The following SCAF4 variants were observed in gnomAD, a reference collection of about 807,000 sequenced individuals.
The protein encoded by SCAF4 is SR-related CTD associated factor 4.
A neutral mutation model predicts 129.8 loss-of-function variants in SCAF4; 25 were observed. The ratio of observed to expected loss-of-function variants is 0.19; its 90% CI spans 0.14 to 0.27. The LOEUF (loss-of-function observed/expected upper bound fraction) is 0.27, where lower values mean the gene tolerates loss of function less well. SCAF4 is among the 10% of genes least tolerant of loss of function. The pLI, the probability that SCAF4 is intolerant of heterozygous loss-of-function variation, is 1.00. For missense variants in SCAF4, 1,246 were observed against 1,457.1 expected (o/e 0.86, Z 2.36); for synonymous variants, 551 against 497.7 (o/e 1.11, Z -1.43).
In SCAF4 at chr21:31,702,239, C is replaced by A; in HGVS notation, c.457+5G>T. The A allele has an allele frequency of 6.2e-7, 1 of 1,613,970 alleles. No individual in the cohort carries two copies. Among genetic ancestry groups the A allele is most frequent in the Non-Finnish European group, 8.5e-7 (1 of 1,179,954 alleles). ...GTGTGAGCTCACAGATACATCTGAC[C>A]ATACCTTCATTATTGGTAACATTTT... On this transcript the variant is annotated splice_donor_5th_base_variant and intron_variant, in intron 5 of 19. Coordinates refer to ENST00000286835, the MANE Select transcript of SCAF4 (RefSeq NM_020706.2).
chr21:31,731,305 C>A (rs2051349792), intron 1 of SCAF4, among the ~76,000 whole-genome samples: 1 of 152,250 alleles, frequency 6.6e-6, no homozygotes, highest in African/African-American at 2.4e-5. Context: ...GCTCCCGGCA[C>A]TGCGAACCCG....
At chr21:31,717,042 A>G (rs559588585) in intron 1 of SCAF4, among the ~76,000 whole-genome samples, 5 of 152,212 alleles carry the variant, frequency 3.3e-5, no homozygotes, top group Non-Finnish European at 5.9e-5. Flanking sequence ...ATCAATAATC[A>G]AAGTACAAAT....
intron 1 of SCAF4, among the ~76,000 whole-genome samples, chr21:31,722,133 C>G (rs993342798): frequency 4.6e-5 from 7 of 152,128 alleles, no homozygotes; most frequent in Non-Finnish European, 7.4e-5. Context: ...GTTTTAACAA[C>G]ATAAAAATGT....
At chr21:31,731,599 C>T (rs2051360837) in intron 1 of SCAF4, 64 bp downstream of exon 1, 1 of 1,552,634 alleles carries the variant, frequency 6.4e-7, no homozygotes, top group Non-Finnish European at 8.7e-7. Flanking sequence ...CCTCCGGCGG[C>T]GGGAGAAACG....
chr21:31,714,942 T>C (rs909514102), intron 1 of SCAF4, among the ~76,000 whole-genome samples: 1 of 152,256 alleles, frequency 6.6e-6, no homozygotes, highest in Non-Finnish European at 1.5e-5. Context: ...CAGATGATCC[T>C]GGTTAATTCC....
In SCAF4 at chr21:31,685,163, C is replaced by T; in HGVS notation, c.2374G>A (p.Ala792Thr). ...TCACCAGACTCGGCGTTTCCTCTAGCCCCAGACACCACTGTTGGAATGGGA... is the reference window on the plus strand; with the variant it reads ...TCACCAGACTCGGCGTTTCCTCTAGTCCCAGACACCACTGTTGGAATGGGA... The part of the protein sequence containing the change: ...GNPIPTVVSG[A>T]RGNAESGDSV... The change falls in exon 19 of 20, where the codon GCT becomes ACT. Residue 792 changes from alanine to threonine, a missense_variant. By Grantham distance (58) the Ala-to-Thr change is moderately conservative. Coordinates refer to ENST00000286835, the MANE Select transcript of SCAF4 (RefSeq NM_020706.2). 6.2e-7 allele frequency: 1 copy of T among 1,612,678 alleles called. No homozygotes were observed.
intron 1 of SCAF4, among the ~76,000 whole-genome samples, chr21:31,728,710 T>C (rs1001298808): frequency 6.6e-6 from 1 of 152,118 alleles, no homozygotes; most frequent in South Asian, 2.1e-4. Context: ...TTTCTCCCCC[T>C]TTCAATTTTC....
intron 19 of SCAF4, among the ~76,000 whole-genome samples, chr21:31,682,448 G>A (rs2833480): frequency 0.48 from 72,583 of 151,834 alleles, 18,044 homozygotes; most frequent in East Asian, 0.84. Context: ...ATGAAGTAAT[G>A]TAATTTTAGA....
chr21:31,727,517 G>A (rs1347056635), intron 1 of SCAF4, among the ~76,000 whole-genome samples: 1 of 152,148 alleles, frequency 6.6e-6, no homozygotes, highest in Non-Finnish European at 1.5e-5. Context: ...CAATCTGGCT[G>A]GGCGCAGTGG....
At chr21:31,691,416 C>CAT (rs1462320277) in intron 14 of SCAF4, among the ~76,000 whole-genome samples, 1 of 152,094 alleles carries the variant, frequency 6.6e-6, no homozygotes, top group Admixed American at 6.5e-5. Flanking sequence ...GAAAAATACC[C>CAT]ATATACCTAT....
In SCAF4 at chr21:31,701,322, T is replaced by C. The variant is rs1331072293; in HGVS notation, c.601-151A>G. On this transcript the variant is annotated intron_variant, in intron 6 of 19. Transcript: ENST00000286835. ...AAATCCTTTTATGAATGGTTAAATTTGTTGTGAATGAATATACAGAGATAT... is the reference window on the plus strand; with the variant it reads ...AAATCCTTTTATGAATGGTTAAATTCGTTGTGAATGAATATACAGAGATAT... 1.9e-5 allele frequency: 11 copies of C among 591,992 alleles called. No homozygotes were observed. In the East Asian group the frequency reaches 3.3e-4, roughly 18 times the overall value. 36.7% of individuals were successfully genotyped at this position (591,992 alleles called of 1,614,324 possible). A position where few individuals can be genotyped will look rare whatever the true frequency, so the allele number is the denominator to read the frequency against.
At chr21:31,697,427 G>A (rs1301204756) in intron 7 of SCAF4, among the ~76,000 whole-genome samples, 1 of 152,192 alleles carries the variant, frequency 6.6e-6, no homozygotes. Context: ...ATGTGTATCA[G>A]ATCATATAGA....
chr21:31,677,386 C>T (rs1454688629), intron 19 of SCAF4, among the ~76,000 whole-genome samples: 1 of 152,134 alleles, frequency 6.6e-6, no homozygotes, highest in Non-Finnish European at 1.5e-5. Context: ...TAAAAACTCC[C>T]TCACCCTGCA....
intron 1 of SCAF4, among the ~76,000 whole-genome samples, chr21:31,723,611 TGTGTG>T (rs2051127023): frequency 8.7e-6 from 1 of 114,926 alleles, no homozygotes; most frequent in Non-Finnish European, 2.0e-5. Flanking sequence ...ATTTATATGA[TGTGTG>T]TGTGTGTGTG....
chr21:31,719,719 G>A (rs1250450258), intron 1 of SCAF4, among the ~76,000 whole-genome samples: 1 of 152,066 alleles, frequency 6.6e-6, no homozygotes, highest in Non-Finnish European at 1.5e-5. Context: ...GGTCAGGCTG[G>A]TCTCGAACTC....
intron 19 of SCAF4, among the ~76,000 whole-genome samples, chr21:31,682,166 G>A (rs1409835918): frequency 6.6e-6 from 1 of 152,074 alleles, no homozygotes; most frequent in Non-Finnish European, 1.5e-5. Context: ...GGCTCACGAG[G>A]TCAAGAGATC....
chr21:31,716,477 A>G (rs1384524806), intron 1 of SCAF4, among the ~76,000 whole-genome samples: 5 of 152,138 alleles, frequency 3.3e-5, no homozygotes, highest in Admixed American at 2.0e-4. Flanking sequence ...CTCCTCTTTC[A>G]TACTCAACTT....
chr21:31,722,790 T>G (rs924517351), intron 1 of SCAF4, among the ~76,000 whole-genome samples: 3 of 151,590 alleles, frequency 2.0e-5, no homozygotes, highest in African/African-American at 4.8e-5. Context: ...CCGTCTCTAC[T>G]AAAAATACAA....
chr21:31,686,311 G>C (rs776378234), intron 16 of SCAF4, among the ~76,000 whole-genome samples: 1 of 151,350 alleles, frequency 6.6e-6, no homozygotes, highest in East Asian at 1.9e-4. Flanking sequence ...GTGTTTATTG[G>C]TGTTCTGACA....
Sources: gnomAD v4.1 joint callset for allele counts (sites outside exome capture counted in the v4.1 genomes callset) on GRCh38, gnomAD v4.1.1 for gene constraint, MANE v1.5 for transcripts, NCBI Gene and HGNC (gene_info 2026-07-23, HGNC 2026-07-21) for gene names.